Variants in TTLL8 observed in about 807,000 individuals in gnomAD.
TTLL8 encodes protein monoglycylase TTLL8.
Under a neutral mutation model 77.8 loss-of-function variants are expected in TTLL8, and 65 were observed. That is an observed-to-expected ratio of 0.84 (90% CI 0.68 to 1.03). TTLL8 has a LOEUF of 1.03. Ranked by LOEUF, TTLL8 falls within the 50% of genes least tolerant of loss-of-function variation. The probability of loss-of-function intolerance (pLI) is 0.00; values close to 1 mark genes in which losing one functional copy is unlikely to be tolerated. For missense variants in TTLL8, 910 were observed against 1,004.5 expected, an observed-to-expected ratio of 0.91 and a Z score of 1.27; for synonymous variants, 402 against 422.8, an observed-to-expected ratio of 0.95 and a Z score of 0.60.
intron 1 of TTLL8, among the ~76,000 whole-genome samples, chr22:50,051,317 T>A (rs2061442701): frequency 6.6e-6 from 1 of 152,264 alleles, no homozygotes; most frequent in Non-Finnish European, 1.5e-5. Flanking sequence ...TTACTTCGCT[T>A]GGAAGAATGG....
At chr22:50,051,712 C>G (rs530301563) in intron 1 of TTLL8, among the ~76,000 whole-genome samples, 1 of 152,248 alleles carries the variant, frequency 6.6e-6, no homozygotes, top group South Asian at 2.1e-4. Flanking sequence ...CTTTTTCACT[C>G]TTTCATTATG....
At position 50,034,489 on chromosome 22, in the gene TTLL8, A is replaced by G; in HGVS notation, c.922-27T>C. ...TGCGAAAAGTAATTTCTTGAATTGGAGATGAAAGCATCGCCACTACAAAGC... is the reference window on the plus strand; with the variant it reads ...TGCGAAAAGTAATTTCTTGAATTGGGGATGAAAGCATCGCCACTACAAAGC... On this transcript the variant is annotated intron_variant, in intron 8 of 13. Coordinates refer to ENST00000266182, the Ensembl canonical transcript of TTLL8. The surrounding 1 kb of genome is among the most constrained non-coding windows in gnomAD (Gnocchi z 4.1). 1 of 1,360,906 alleles carries G rather than the reference A, an allele frequency of 7.3e-7. No homozygotes were observed. The highest frequency in any genetic ancestry group is 1.1e-5 in the South Asian group (1 of 87,242). The allele number at this position is 1,360,906 out of a possible 1,614,324, so 84.3% of individuals were successfully genotyped here.
At chr22:50,053,221 C>CAAAAAAAAAAAAAAAAAAAAAAACAA (rs55893423) in intron 1 of TTLL8, among the ~76,000 whole-genome samples, 1 of 103,144 alleles carries the variant, frequency 9.7e-6, no homozygotes, top group Non-Finnish European at 2.0e-5. Flanking sequence ...GACTCCATCT[C>CAAAAAAAAAAAAAAAAAAAAAAACAA]AAAAAAAAAA....
At chr22:50,057,021 G>T (rs1474403073), upstream of TTLL8, 18 of 1,252,756 alleles carry the variant, frequency 1.4e-5, no homozygotes, top group Non-Finnish European at 1.9e-5. Context: ...GGGTGTGGGG[G>T]GCTCTGGGGA....
intron 11 of TTLL8, 91 bp from the exon 13 acceptor site, chr22:50,031,016 G>A: frequency 6.2e-6 from 7 of 1,137,482 alleles, no homozygotes; most frequent in Non-Finnish European, 8.0e-6. Context: ...GGCTGGTCGG[G>A]GCACAGACCC....
Position 50,049,399 on chromosome 22 carries a change from G to T in TTLL8, c.191-77C>A. 3 of 1,340,726 alleles carry T rather than the reference G, an allele frequency of 2.2e-6. No individual in the cohort carries two copies. In the Middle Eastern group the frequency reaches 6.9e-4, roughly 309 times the overall value. 83.1% of individuals were successfully genotyped at this position (1,340,726 alleles called of 1,614,324 possible). A position where few individuals can be genotyped will look rare whatever the true frequency, so the allele number is the denominator to read the frequency against. On this transcript the variant is annotated intron_variant, in intron 2 of 13. Coordinates refer to ENST00000266182, the Ensembl canonical transcript of TTLL8. Reference sequence around the variant, plus strand: ...CCGCACCGGGTCCGTTACCACAACCGCAGGCAGGACAGCGACTTTACTTCC... The same window carrying T: ...CCGCACCGGGTCCGTTACCACAACCTCAGGCAGGACAGCGACTTTACTTCC...
At chr22:50,051,245 G>A (rs1019948972) in intron 1 of TTLL8, among the ~76,000 whole-genome samples, 1 of 152,142 alleles carries the variant, frequency 6.6e-6, no homozygotes, top group Non-Finnish European at 1.5e-5. Flanking sequence ...TTATGCCTTT[G>A]CATCCTCATA....
upstream of TTLL8, chr22:50,056,946 G>A (rs73429542): frequency 1.7e-4 from 225 of 1,289,708 alleles, no homozygotes; most frequent in African/African-American, 2.8e-3. This position sits in a 1 kb window ranked among gnomAD's most constrained non-coding sequence, Gnocchi z 4.1. Context: ...ACTGGCCTCC[G>A]ACAGCTTGCC....
chr22:50,040,034 C>T (rs1011372333), intron 8 of TTLL8, among the ~76,000 whole-genome samples: 2 of 150,620 alleles, frequency 1.3e-5, no homozygotes, highest in African/African-American at 4.9e-5. Context: ...ACGGACCTCA[C>T]AGACCCCACG....
chr22:50,018,736 G>A (rs531942486), intron 12 of TTLL8, among the ~76,000 whole-genome samples: 6 of 152,310 alleles, frequency 3.9e-5, no homozygotes, highest in South Asian at 4.1e-4. Flanking sequence ...AATGTTCGGC[G>A]GGAGAGTGGC....
intron 12 of TTLL8, among the ~76,000 whole-genome samples, chr22:50,026,377 A>G (rs1237658831): frequency 1.7e-5 from 2 of 115,448 alleles, no homozygotes; most frequent in African/African-American, 2.9e-5. Flanking sequence ...GGAGGGTCAG[A>G]CACGGAAATA....
At chr22:50,045,089 A>C (rs2061400150) in intron 6 of TTLL8, 166 bp downstream of exon 8, 2 of 626,494 alleles carry the variant, frequency 3.2e-6, no homozygotes, top group South Asian at 1.4e-4. Context: ...CCACGGTTAG[A>C]ACAGAAAACC....
intron 12 of TTLL8, chr22:50,027,784 C>G: frequency 1.0e-6 from 1 of 985,472 alleles, no homozygotes; most frequent in Non-Finnish European, 1.2e-6. Flanking sequence ...GAGCACTAGC[C>G]TGAGGCCGAG....
Position 50,034,116 on chromosome 22 carries a change from T to C in TTLL8, c.1039+229A>G, listed in dbSNP as rs781375590. On this transcript the variant is annotated intron_variant, in intron 9 of 13. Transcript: ENST00000266182. The surrounding 1 kb of genome is among the most constrained non-coding windows in gnomAD (Gnocchi z 4.1). ...TTTGTGAATACAAAGGAGGAAATCC[T>C]GATTAACCCATCAACCCGGATCCTG... Among the ~76,000 whole-genome samples, 3 of 152,226 alleles carry C rather than the reference T, an allele frequency of 2.0e-5. No individual in the cohort carries two copies. Among genetic ancestry groups the C allele is most frequent in the Admixed American group, 6.5e-5 (1 of 15,280 alleles).
chr22:50,037,140 C>T (rs1459472334), intron 8 of TTLL8, among the ~76,000 whole-genome samples: 1 of 152,174 alleles, frequency 6.6e-6, no homozygotes. Context: ...TGCCAATTTA[C>T]ACTCCCCTAG....
chr22:50,052,961 T>C (rs932944556), intron 1 of TTLL8, among the ~76,000 whole-genome samples: 1 of 152,074 alleles, frequency 6.6e-6, no homozygotes, highest in Non-Finnish European at 1.5e-5. Context: ...GTGGGTCAAG[T>C]CAGTAATCCC....
intron 1 of TTLL8, among the ~76,000 whole-genome samples, chr22:50,052,243 A>G (rs137915): frequency 0.99 from 150,269 of 152,292 alleles, 74,142 homozygotes; most frequent in Middle Eastern, 1. Context: ...GACAGTCCGC[A>G]AGAGGGCTGG....
intron 12 of TTLL8, among the ~76,000 whole-genome samples, chr22:50,028,537 G>A (rs2061246126): frequency 6.6e-6 from 1 of 151,860 alleles, no homozygotes; most frequent in African/African-American, 2.4e-5. Flanking sequence ...ATCGCAGTGG[G>A]AATCAGGGAG....
At chr22:50,042,992 A>C (rs984503513) in intron 6 of TTLL8, among the ~76,000 whole-genome samples, 9 of 152,262 alleles carry the variant, frequency 5.9e-5, no homozygotes, top group African/African-American at 2.2e-4. Flanking sequence ...CTTGGTATTT[A>C]CCCAGATGAA....
Sources: allele counts gnomAD v4.1 joint callset (sites outside exome capture counted in the v4.1 genomes callset), GRCh38; gene constraint gnomAD v4.1.1; non-coding constraint Gnocchi (gnomAD v3.1); transcripts MANE v1.5; gene names NCBI Gene and HGNC (gene_info 2026-07-23, HGNC 2026-07-21).